Variants in ACOT11 observed in about 807,000 individuals in gnomAD.
The protein encoded by ACOT11 is acyl-CoA thioesterase 11.
ACOT11 carries 69 observed loss-of-function variants against 77.5 expected under a neutral mutation model. The observed-to-expected ratio is 0.89, with a 90% CI of 0.73 to 1.09. The LOEUF (loss-of-function observed/expected upper bound fraction) is 1.09. Among genes scored for constraint, ACOT11 ranks in the 50% least tolerant of loss-of-function variants. The pLI is 0.00. For synonymous variants in ACOT11, 279 were observed against 313.0 expected, an observed-to-expected ratio of 0.89 and a Z score of 1.15; for missense variants, 766 against 813.7, an observed-to-expected ratio of 0.94 and a Z score of 0.71.
rs542655302 is a variant in ACOT11, at chr1:54,608,847, G to T, written c.1630-110G>T. The T allele has an allele frequency of 1.1e-3, 1,235 of 1,104,196 alleles. 2 individuals are homozygous for T. Among genetic ancestry groups the T allele is most frequent in the Non-Finnish European group, 1.4e-3 (1,054 of 745,056 alleles). 68.4% of individuals were successfully genotyped at this position (1,104,196 alleles called of 1,614,324 possible). ...TTGGGTTGAATATTCTGCCCTCCCAGAAGGCCAGCAAGGCTGACTCACCAC... is the reference window on the plus strand; with the variant it reads ...TTGGGTTGAATATTCTGCCCTCCCATAAGGCCAGCAAGGCTGACTCACCAC... On this transcript the variant is annotated intron_variant, in intron 15 of 15. Coordinates refer to ENST00000343744, the MANE Select transcript of ACOT11 (RefSeq NM_147161.4).
intron 1 of ACOT11, among the ~76,000 whole-genome samples, chr1:54,549,412 G>A (rs764128968): frequency 8.6e-5 from 13 of 152,022 alleles, no homozygotes; most frequent in South Asian, 2.1e-4. Context: ...CCGCGGCTTC[G>A]GTGTCCCACT....
chr1:54,559,567 C>T (rs75325119), intron 1 of ACOT11, among the ~76,000 whole-genome samples: 7 of 151,808 alleles, frequency 4.6e-5, no homozygotes, highest in Non-Finnish European at 1.0e-4. Flanking sequence ...GAACTCGGCA[C>T]ATAATTGGCC....
chr1:54,623,265 G>A, intron 15 of ACOT11: 3 of 1,594,106 alleles, frequency 1.9e-6, no homozygotes, highest in Non-Finnish European at 2.6e-6. Flanking sequence ...ATGACATGGG[G>A]GGAGGCACCT....
chr1:54,581,984 G>T (rs1654327209), intron 1 of ACOT11, among the ~76,000 whole-genome samples: 1 of 152,246 alleles, frequency 6.6e-6, no homozygotes, highest in African/African-American at 2.4e-5. Flanking sequence ...GCCACCTGCT[G>T]CTCTGTCCCT....
Position 54,584,108 on chromosome 1 carries a change from A to G in ACOT11, c.34-547A>G, listed in dbSNP as rs114671145. Among the ~76,000 whole-genome samples the G allele has an allele frequency of 1.8e-3, 276 of 152,258 alleles. 1 individual carries two copies. Among genetic ancestry groups the G allele is most frequent in the Middle Eastern group, 0.01 (3 of 294 alleles). ...TGACTGCCCACAGCCCTCCCAGTCA[A>G]TAGATCCAAGTGCTAGACATTAGCG... is the stretch of plus-strand genomic sequence containing the variant. On this transcript the variant is annotated intron_variant, in intron 1 of 15. Transcript: ENST00000343744. This position sits in a 1 kb window ranked among gnomAD's most constrained non-coding sequence, Gnocchi z 6.3.
chr1:54,637,426 T>A (rs1644336928), exon 17 of ACOT11: 1 of 152,286 alleles, frequency 6.6e-6, no homozygotes, highest in Admixed American at 6.5e-5. Flanking sequence ...GAGGCTGCAG[T>A]GAGCTGAGAT....
At chr1:54,582,577 T>A in intron 1 of ACOT11, 3 of 963,946 alleles carry the variant, frequency 3.1e-6, no homozygotes, top group Non-Finnish European at 3.7e-6. Flanking sequence ...CGGGAGTGCA[T>A]GGGAGGAGGG....
chr1:54,606,545 C>G lies in ACOT11; in HGVS notation c.1371-589C>G, dbSNP rs1252295152. Among the ~76,000 whole-genome samples the G allele has an allele frequency of 2.6e-5, 4 of 152,184 alleles. No homozygotes were observed. The East Asian group carries it at 7.7e-4, about 29-fold the overall frequency. On this transcript the variant is annotated intron_variant, in intron 13 of 15. Coordinates refer to ENST00000343744, the MANE Select transcript of ACOT11 (RefSeq NM_147161.4). ...GGGCCTGGGGATACATCTCTGCCAC[C>G]TGATAGCCTGGACACACCCCAGCCC...
At chr1:54,567,936 C>T (rs1653792905) in intron 1 of ACOT11, among the ~76,000 whole-genome samples, 1 of 152,206 alleles carries the variant, frequency 6.6e-6, no homozygotes, top group Non-Finnish European at 1.5e-5. Context: ...CCCTCCCCTA[C>T]AGCCTCCAGT....
At chr1:54,621,175 A>C (rs1386153641) in intron 15 of ACOT11, among the ~76,000 whole-genome samples, 1 of 148,150 alleles carries the variant, frequency 6.7e-6, no homozygotes, top group Non-Finnish European at 1.5e-5. Context: ...AAAAAAAAAA[A>C]CCTGCGCGCG....
intron 2 of ACOT11, among the ~76,000 whole-genome samples, chr1:54,585,269 C>A (rs958103027): frequency 2.0e-5 from 3 of 152,208 alleles, no homozygotes; most frequent in Admixed American, 6.5e-5. Flanking sequence ...CAACCTACAG[C>A]GCTCACAGCC....
chr1:54,591,652 G>A (rs947589636), intron 3 of ACOT11, among the ~76,000 whole-genome samples: 2 of 152,196 alleles, frequency 1.3e-5, no homozygotes, highest in African/African-American at 4.8e-5. Context: ...CATCAGCTGG[G>A]CACCCTCTGC....
At chr1:54,626,276 AAGAAAAGAAAAAAG>A (rs1644272079) in intron 15 of ACOT11, among the ~76,000 whole-genome samples, 1 of 152,100 alleles carries the variant, frequency 6.6e-6, no homozygotes, top group Non-Finnish European at 1.5e-5. Flanking sequence ...TTTCAAAAAA[AAGAAAAGAAAAAAG>A]AGAAAAGACA....
At chr1:54,637,907 G>C (rs1644339811) in exon 17 of ACOT11, 1 of 151,596 alleles carries the variant, frequency 6.6e-6, no homozygotes, top group African/African-American at 2.4e-5. Flanking sequence ...TTCCAAATAG[G>C]AAAAATACAA....
intron 1 of ACOT11, among the ~76,000 whole-genome samples, chr1:54,563,101 A>C (rs1268931138): frequency 1.3e-5 from 2 of 151,932 alleles, no homozygotes; most frequent in East Asian, 3.9e-4. Context: ...CCGCTCCTCC[A>C]GCCGCTGCCT....
intron 12 of ACOT11, 103 bp downstream of exon 12, chr1:54,604,532 C>A: frequency 1.8e-6 from 2 of 1,111,926 alleles, no homozygotes; most frequent in Non-Finnish European, 2.6e-6. Context: ...AAAAAAAGAT[C>A]TCTTCAAAGA....
chr1:54,604,228 C>G, intron 11 of ACOT11, 118 bp from the exon 12 acceptor site: 1 of 911,236 alleles, frequency 1.1e-6, no homozygotes. Flanking sequence ...TGCCGCACCA[C>G]CCACCCACCG....
chr1:54,581,495 G>A (rs916713128), intron 1 of ACOT11, among the ~76,000 whole-genome samples: 1 of 152,146 alleles, frequency 6.6e-6, no homozygotes, highest in Non-Finnish European at 1.5e-5. Context: ...GGTCTCTCCT[G>A]CCCTGACCCT....
rs1485725180 is a variant in ACOT11 at position 54,609,373 on chromosome 1, C to T, written c.*261C>T. 1.4e-5 allele frequency: 23 copies of T among 1,614,028 alleles called. No homozygotes were observed. The highest frequency in any genetic ancestry group is 1.8e-5 in the Non-Finnish European group (21 of 1,180,016). ...CCCTAGCTGCCAGCAATGCTGTCCTCACAGAGGCATAGTCGCCCCCAGCTG... is the reference window on the plus strand; with the variant it reads ...CCCTAGCTGCCAGCAATGCTGTCCTTACAGAGGCATAGTCGCCCCCAGCTG... On this transcript the variant is annotated 3_prime_UTR_variant, in exon 16 of 16. Transcript: ENST00000343744.
Sources: allele counts gnomAD v4.1 joint callset (sites outside exome capture counted in the v4.1 genomes callset), GRCh38; gene constraint gnomAD v4.1.1; non-coding constraint Gnocchi (gnomAD v3.1); transcripts MANE v1.5; gene names NCBI Gene and HGNC (gene_info 2026-07-23, HGNC 2026-07-21).